OOSP4A: variants seen among roughly 807,000 people sequenced by gnomAD.
The protein encoded by OOSP4A is oocyte-secreted protein 4A.
At chr11:59,966,258 AAGATT>A (rs2134585012) in intron 2 of OOSP4A, among the ~76,000 whole-genome samples, 1 of 151,722 alleles carries the variant, frequency 6.6e-6, no homozygotes, top group South Asian at 2.1e-4. Context: ...ATTTCTAGTA[AAGATT>A]ATTTAGGTGA....
chr11:59,964,838 G>A (rs1223604595), intron 1 of OOSP4A, among the ~76,000 whole-genome samples: 2 of 152,090 alleles, frequency 1.3e-5, no homozygotes, highest in African/African-American at 4.8e-5. Flanking sequence ...GTGGAAGCAC[G>A]TGATATATTT....
intron 1 of OOSP4A, among the ~76,000 whole-genome samples, chr11:59,964,860 G>T (rs1854081268): frequency 6.6e-6 from 1 of 151,962 alleles, no homozygotes; most frequent in Non-Finnish European, 1.5e-5. Context: ...TCTATTGTGT[G>T]CAGCCAAATG....
chr11:59,967,843 T>C (rs1167313196), intron 3 of OOSP4A, among the ~76,000 whole-genome samples: 1 of 152,074 alleles, frequency 6.6e-6, no homozygotes, highest in Non-Finnish European at 1.5e-5. Context: ...GCATGTGTGT[T>C]CTCTCTGCCC....
At chr11:59,970,280 G>A (rs1854141404), downstream of OOSP4A, 1 of 388,420 alleles carries the variant, frequency 2.6e-6, no homozygotes, top group Non-Finnish European at 4.5e-6. Flanking sequence ...TGAACCGTTG[G>A]GGTAGGGAGA....
At chr11:59,970,215 T>A, downstream of OOSP4A, 1 of 396,028 alleles carries the variant, frequency 2.5e-6, no homozygotes, top group Non-Finnish European at 4.5e-6. Flanking sequence ...TTGTCTTTTA[T>A]CATTTCAAAT....
At chr11:59,966,650 A>G (rs1400956579) in intron 2 of OOSP4A, among the ~76,000 whole-genome samples, 1 of 152,004 alleles carries the variant, frequency 6.6e-6, no homozygotes, top group Non-Finnish European at 1.5e-5. Context: ...TAATTTTTGT[A>G]TTTTTAGTAG....
At chr11:59,964,484 G>A (rs1051519057) in intron 1 of OOSP4A, among the ~76,000 whole-genome samples, 4 of 152,200 alleles carry the variant, frequency 2.6e-5, no homozygotes, top group South Asian at 4.1e-4. Context: ...ATTTCTGGCC[G>A]TGGGGTATGA....
chr11:59,966,601 A>C (rs189979783), intron 2 of OOSP4A, among the ~76,000 whole-genome samples: 120 of 151,982 alleles, frequency 7.9e-4, no homozygotes, highest in Non-Finnish European at 1.5e-3. Context: ...TCAGCCTTCC[A>C]AGTAGCTGGG....
At chr11:59,970,277 T>C (rs1354930583), downstream of OOSP4A, 2 of 388,922 alleles carry the variant, frequency 5.1e-6, no homozygotes, top group South Asian at 1.4e-4. Flanking sequence ...TTATGAACCG[T>C]TGGGGTAGGG....
At chr11:59,965,510 C>T (rs954622570) in intron 1 of OOSP4A, 25 bp from the exon 2 acceptor site, 2 of 398,344 alleles carry the variant, frequency 5.0e-6, no homozygotes, top group Admixed American at 8.8e-5. Flanking sequence ...TTGATGTTTT[C>T]CCTTTTTAAA....
intron 3 of OOSP4A, among the ~76,000 whole-genome samples, chr11:59,967,606 T>C (rs1027089607): frequency 2.0e-5 from 3 of 151,880 alleles, no homozygotes; most frequent in Non-Finnish European, 4.4e-5. Context: ...ATTGAATCAG[T>C]CTTTGATTTG....
At chr11:59,969,262 A>T (rs1854133191) in exon 4 of OOSP4A, 1 of 398,626 alleles carries the variant, frequency 2.5e-6, no homozygotes, top group Non-Finnish European at 4.4e-6. Flanking sequence ...AGACTTGGAA[A>T]TCCGTCCAAG....
At chr11:59,966,474 C>CTT (rs573326718) in intron 2 of OOSP4A, among the ~76,000 whole-genome samples, 3 of 142,690 alleles carry the variant, frequency 2.1e-5, no homozygotes, top group Non-Finnish European at 4.6e-5. Context: ...GACTCTGACT[C>CTT]TTTTTTTTTT....
intron 3 of OOSP4A, among the ~76,000 whole-genome samples, chr11:59,968,349 G>C (rs1357088833): frequency 1.3e-5 from 2 of 152,144 alleles, no homozygotes; most frequent in Non-Finnish European, 2.9e-5. Context: ...CATCACAACT[G>C]CATATTTCCT....
chr11:59,969,087 T>C (rs950188446), intron 3 of OOSP4A, 63 bp from the exon 4 acceptor site: 2 of 397,300 alleles, frequency 5.0e-6, no homozygotes, highest in Non-Finnish European at 8.9e-6. Flanking sequence ...CATTTCAACT[T>C]TTTCTCCACC....
At chr11:59,969,969 T>C in intron 4 of OOSP4A, 80 bp from the exon 5 acceptor site, 1 of 396,350 alleles carries the variant, frequency 2.5e-6, no homozygotes, top group Non-Finnish European at 4.5e-6. Flanking sequence ...ACGTTCCCAC[T>C]TTGTTGAGCC....
chr11:59,964,467 G>T (rs1854076878), intron 1 of OOSP4A, among the ~76,000 whole-genome samples: 1 of 152,014 alleles, frequency 6.6e-6, no homozygotes, highest in African/African-American at 2.4e-5. Flanking sequence ...AGGTTACCTA[G>T]GTCTACATTT....
intron 2 of OOSP4A, 81 bp from the exon 3 acceptor site, chr11:59,966,986 T>C (rs1854106792): frequency 2.5e-6 from 1 of 393,632 alleles, no homozygotes. Context: ...TATTTTGTTT[T>C]TAATCTATAT....
chr11:59,964,875 G>A (rs1211410612), intron 1 of OOSP4A, among the ~76,000 whole-genome samples: 1 of 151,970 alleles, frequency 6.6e-6, no homozygotes. Context: ...CAAATGTAAA[G>A]CTTTTTCTTG....
Sources: allele counts gnomAD v4.1 joint callset (sites outside exome capture counted in the v4.1 genomes callset), GRCh38; gene constraint gnomAD v4.1.1; transcripts MANE v1.5; gene names NCBI Gene and HGNC (gene_info 2026-07-23, HGNC 2026-07-21).